The following THRA variants were observed in gnomAD, a reference collection of about 807,000 sequenced individuals.
The protein encoded by THRA is thyroid hormone receptor alpha.
THRA carries 13 observed loss-of-function variants against 45.0 expected under a neutral mutation model. The ratio of observed to expected loss-of-function variants is 0.29; its 90% confidence interval spans 0.19 to 0.46. THRA has a LOEUF of 0.46. THRA is among the 20% of genes least tolerant of loss of function. THRA has a pLI of 1.00. For synonymous variants in THRA, 195 were observed against 214.0 expected (o/e 0.91, Z 0.78); for missense variants, 278 against 556.1 (o/e 0.50, Z 5.03).
chr17:40,065,934 C>G (rs921347127), intron 1 of THRA, among the ~76,000 whole-genome samples: 1 of 152,236 alleles, frequency 6.6e-6, no homozygotes, highest in Non-Finnish European at 1.5e-5. Context: ...GGAAAAGAAC[C>G]GCCCCCATGG....
chr17:40,088,250 C>G lies in THRA; in HGVS notation c.732C>G (p.Cys244Trp). The change falls in exon 8 of 9, where the codon TGC becomes TGG. Residue 244 changes from cysteine to tryptophan, a missense_variant. By Grantham distance (215) the Cys-to-Trp change is radical. Transcript: ENST00000450525. ...KKLPMFSELP[C>W]EDQIILLKGC... ...GCCCTGCCGCTCCACAGCTGCCTTG[C>G]GAAGACCAGATCATCCTCCTGAAGG... 6.3e-7 allele frequency: 1 copy of G among 1,587,108 alleles called. No individual in the cohort carries two copies. Among genetic ancestry groups the G allele is most frequent in the Non-Finnish European group, 8.6e-7 (1 of 1,164,378 alleles).
chr17:40,093,242 G>C (rs756851854), downstream of THRA: 5 of 1,613,602 alleles, frequency 3.1e-6, no homozygotes, highest in African/African-American at 2.7e-5. This position sits in a 1 kb window ranked among gnomAD's most constrained non-coding sequence, Gnocchi z 5.9. Context: ...GCGTCTCCTG[G>C]AGCTGCTCCA....
intron 5 of THRA, 30 bp from the exon 6 acceptor site, chr17:40,084,580 G>A: frequency 1.2e-6 from 2 of 1,611,032 alleles, no homozygotes; most frequent in Non-Finnish European, 1.7e-6. Flanking sequence ...AGGGTGCCAT[G>A]CGTTAGACCT....
chr17:40,076,965 TC>T (rs1165407968), intron 3 of THRA, 27 bp downstream of exon 3: 1 of 1,611,348 alleles, frequency 6.2e-7, no homozygotes, highest in African/African-American at 1.3e-5. Flanking sequence ...GTGCCCCTTC[TC>T]CACGTCCCCA....
intron 4 of THRA, among the ~76,000 whole-genome samples, chr17:40,083,230 G>A (rs761429868): frequency 5.7e-4 from 83 of 146,228 alleles, no homozygotes; most frequent in Non-Finnish European, 9.7e-4. Flanking sequence ...CCCGGCCTAC[G>A]CCCAATTTTT....
intron 2 of THRA, among the ~76,000 whole-genome samples, 167 bp from the exon 3 acceptor site, chr17:40,076,704 A>G (rs927439597): frequency 6.6e-6 from 1 of 152,092 alleles, no homozygotes; most frequent in Non-Finnish European, 1.5e-5. Flanking sequence ...CAACTTCCAG[A>G]TAACTGGACC....
chr17:40,089,191 C>T lies in THRA; in HGVS notation c.983-15C>T. 1.2e-6 allele frequency: 2 copies of T among 1,612,886 alleles called. No homozygotes were observed. The highest frequency in any genetic ancestry group is 2.2e-5 in the South Asian group (2 of 91,046). ...CGGCCAGCCCCTCGCCCCTCACGCC[C>T]CTCTTCCCTCACAGACCGCTCGGGC... On this transcript the variant is annotated splice_polypyrimidine_tract_variant and intron_variant, in intron 8 of 8. Coordinates refer to ENST00000450525, the MANE Select transcript of THRA (RefSeq NM_199334.5). The surrounding 1 kb of genome is among the most constrained non-coding windows in gnomAD (Gnocchi z 6.1).
Position 40,074,370 on chromosome 17 carries a change from G to T in THRA, c.-119G>T. The T allele has an allele frequency of 9.4e-7, 1 of 1,061,358 alleles. No individual in the cohort carries two copies. The highest frequency in any genetic ancestry group is 1.4e-6 in the Non-Finnish European group (1 of 702,646). 65.7% of individuals were successfully genotyped at this position (1,061,358 alleles called of 1,614,324 possible). On this transcript the variant is annotated 5_prime_UTR_variant, in exon 2 of 9. Coordinates refer to ENST00000450525, the MANE Select transcript of THRA (RefSeq NM_199334.5). The stretch of plus-strand genomic sequence containing the variant: ...AAGTGCTGAGGCGGGTATCATGGGT[G>T]CTGTGCCCTAGGGCCTGGGTGGCAG...
At position 40,083,894 on chromosome 17, in the gene THRA, C is replaced by T. The variant is rs760441163; in HGVS notation, c.282C>T (p.Asp94=). The T allele has an allele frequency of 1.9e-6, 3 of 1,614,028 alleles. No homozygotes were observed. Among genetic ancestry groups the T allele is most frequent in the Middle Eastern group, 3.3e-4 (2 of 6,062 alleles). The change falls in exon 5 of 9, where the codon GAC becomes GAT. Residue 94 remains aspartate (D), a synonymous_variant. Transcript: ENST00000450525. ...ATCCCACCTATTCCTGCAAATATGA[C>T]AGCTGCTGTGTCATTGACAAGATCA... ...NLHPTYSCKY[D]SCCVIDKITR... is the part of the protein sequence containing the mutation.
intron 5 of THRA, 84 bp from the exon 6 acceptor site, chr17:40,084,526 C>A: frequency 6.6e-7 from 1 of 1,508,574 alleles, no homozygotes; most frequent in South Asian, 1.2e-5. Context: ...CCAACCTGTA[C>A]TCTAGGAAGA....
intron 4 of THRA, among the ~76,000 whole-genome samples, chr17:40,078,597 A>G (rs1216808734): frequency 1.3e-5 from 2 of 152,150 alleles, no homozygotes; most frequent in African/African-American, 4.8e-5. Context: ...TGTAGTACGT[A>G]CCTCGCCTTC....
chr17:40,065,107 A>AGGG (rs1986507196), intron 1 of THRA, among the ~76,000 whole-genome samples: 1 of 151,300 alleles, frequency 6.6e-6, no homozygotes, highest in South Asian at 2.1e-4. Context: ...CAGTGGGTTC[A>AGGG]GGGGGGTTCC....
intron 1 of THRA, chr17:40,072,054 C>G (rs951589467): frequency 6.6e-6 from 1 of 152,352 alleles, no homozygotes; most frequent in South Asian, 2.1e-4. Flanking sequence ...GCCCCTCCCC[C>G]CAGTGGGCAC....
rs1987198254 is a variant in THRA at position 40,082,991 on chromosome 17, G to A, written c.223-844G>A. On this transcript the variant is annotated intron_variant, in intron 4 of 8. Transcript: ENST00000450525. ...CACCCAGCCTGGAGTGCAGTGGCGC[G>A]ATCTTGGCTCGTGGCAAGCTCCACC... 2.0e-5 allele frequency among the ~76,000 whole-genome samples: 3 copies of A among 147,400 alleles called. No homozygotes were observed. In the Admixed American group the frequency reaches 2.1e-4, roughly 10 times the overall value.
Position 40,065,046 on chromosome 17 carries a change from GT to G in THRA, c.-298+1964del, listed in dbSNP as rs112292718. ...CTCAGCCACTGTGCGGGAATGGGCT[GT>G]TTTTTTTTTCTTTCTTTCTTTTAGA... On this transcript the variant is annotated intron_variant, in intron 1 of 8. Coordinates refer to ENST00000450525, the MANE Select transcript of THRA (RefSeq NM_199334.5). Among the ~76,000 whole-genome samples the G allele has an allele frequency of 1.3e-3, 188 of 149,346 alleles. 1 individual carries two copies. The Middle Eastern group carries it at 0.038, about 30-fold the overall frequency.
intron 3 of THRA, among the ~76,000 whole-genome samples, chr17:40,077,265 C>T (rs1046763077): frequency 2.6e-5 from 4 of 152,220 alleles, no homozygotes; most frequent in Non-Finnish European, 2.9e-5. Flanking sequence ...TCTCCACCAT[C>T]CTCTGCCTTG....
chr17:40,075,289 T>TG (rs370396401), intron 2 of THRA, among the ~76,000 whole-genome samples: 4 of 53,902 alleles, frequency 7.4e-5, no homozygotes, highest in African/African-American at 1.5e-4. Flanking sequence ...CCTGTGCCTA[T>TG]GGCCAGGGAG....
intron 4 of THRA, among the ~76,000 whole-genome samples, chr17:40,079,019 T>C (rs952688877): frequency 6.6e-6 from 1 of 152,136 alleles, no homozygotes; most frequent in Non-Finnish European, 1.5e-5. Flanking sequence ...TGTGAGCCAC[T>C]GCGCCCAGCC....
intron 1 of THRA, among the ~76,000 whole-genome samples, chr17:40,066,525 G>A (rs1309677341): frequency 1.3e-5 from 2 of 152,060 alleles, no homozygotes; most frequent in Non-Finnish European, 2.9e-5. Context: ...TTAGCTGGGT[G>A]TGGTGGCGGG....
Sources: gnomAD v4.1 joint callset for allele counts (sites outside exome capture counted in the v4.1 genomes callset) on GRCh38, gnomAD v4.1.1 for gene constraint, Gnocchi (gnomAD v3.1) non-coding constraint, MANE v1.5 for transcripts, NCBI Gene and HGNC (gene_info 2026-07-23, HGNC 2026-07-21) for gene names.